TTC29: variants seen among roughly 807,000 people sequenced by gnomAD.
TTC29 encodes tetratricopeptide repeat domain 29.
In TTC29, 49 loss-of-function variants were observed where a neutral mutation model predicts 58.1. The observed-to-expected ratio is 0.84, with a 90% CI of 0.67 to 1.07. The LOEUF is 1.07. TTC29 is among the 50% of genes least tolerant of loss of function. The probability of loss-of-function intolerance (pLI) is 0.00; values close to 1 mark genes in which losing one functional copy is unlikely to be tolerated. For synonymous variants in TTC29, 209 were observed against 196.8 expected, an observed-to-expected ratio of 1.06 and a Z score of -0.52; for missense variants, 582 against 555.6, an observed-to-expected ratio of 1.05 and a Z score of -0.48.
intron 4 of TTC29, among the ~76,000 whole-genome samples, chr4:146,927,244 G>T (rs1214017982): frequency 6.6e-6 from 1 of 151,974 alleles, no homozygotes; most frequent in Non-Finnish European, 1.5e-5. Flanking sequence ...TAGGAAACAG[G>T]TCCTATTATC....
chr4:146,927,742 A>G (rs1735034925), intron 4 of TTC29, among the ~76,000 whole-genome samples: 1 of 152,212 alleles, frequency 6.6e-6, no homozygotes, highest in Non-Finnish European at 1.5e-5. Flanking sequence ...GGCCTCACAA[A>G]GCAGGAAACT....
intron 2 of TTC29, chr4:146,942,898 A>G (rs1736542491): frequency 3.1e-6 from 1 of 323,838 alleles, no homozygotes; most frequent in African/African-American, 2.1e-5. Flanking sequence ...AGTGCTTGCA[A>G]TTTCCTTGAA....
chr4:146,883,051 A>G (rs1731740553), intron 6 of TTC29, among the ~76,000 whole-genome samples: 1 of 152,094 alleles, frequency 6.6e-6, no homozygotes, highest in Admixed American at 6.6e-5. Flanking sequence ...ACTGAGCCTC[A>G]GGAATTCTCT....
At chr4:146,902,213 C>A (rs78181888) in intron 6 of TTC29, among the ~76,000 whole-genome samples, 12,463 of 152,122 alleles carry the variant, frequency 0.082, 659 homozygotes, top group East Asian at 0.19. Flanking sequence ...TGATATCACA[C>A]TCCTTTCCTT....
chr4:146,707,382 T>C (rs1217032612), intron 12 of TTC29, 103 bp downstream of exon 12: 2 of 867,972 alleles, frequency 2.3e-6, no homozygotes, highest in South Asian at 1.7e-5. Context: ...GGTTATCAAG[T>C]GCTGGATGAA....
At chr4:146,888,170 C>G (rs1732117439) in intron 6 of TTC29, among the ~76,000 whole-genome samples, 1 of 151,968 alleles carries the variant, frequency 6.6e-6, no homozygotes, top group African/African-American at 2.4e-5. Flanking sequence ...ACACAAGTCC[C>G]AAAAAAGAAT....
At chr4:146,739,420 T>C (rs1220168152) in intron 11 of TTC29, among the ~76,000 whole-genome samples, 3 of 152,216 alleles carry the variant, frequency 2.0e-5, no homozygotes, top group Admixed American at 2.0e-4. Context: ...CTCTTTTCTG[T>C]AGTCCATATT....
intron 11 of TTC29, among the ~76,000 whole-genome samples, chr4:146,791,427 T>C (rs1304372113): frequency 6.6e-6 from 1 of 152,200 alleles, no homozygotes; most frequent in Non-Finnish European, 1.5e-5. Flanking sequence ...ATTGTAATTG[T>C]TTTGGGATGC....
At position 146,803,550 on chromosome 4, in the gene TTC29, T is replaced by C. The variant is rs1353117259; in HGVS notation, c.1237A>G (p.Asn413Asp). The C allele has an allele frequency of 1.9e-6, 3 of 1,604,696 alleles. No individual in the cohort carries two copies. Among genetic ancestry groups the C allele is most frequent in the African/African-American group, 1.3e-5 (1 of 74,870 alleles). ...AKAHQMMLTV[N>D]NYIESADLTS... is the part of the protein sequence containing the mutation. Reference sequence around the variant, plus strand: ...AGATCTGCAGACTCTATATAGTTGTTCACTGTAAGCATCATCTGATGAGCT... The same window carrying C: ...AGATCTGCAGACTCTATATAGTTGTCCACTGTAAGCATCATCTGATGAGCT... Residue 413 changes from asparagine to aspartate, a missense_variant, in exon 11 of 13, where the codon AAC becomes GAC. Coordinates refer to ENST00000325106, the MANE Select transcript of TTC29 (RefSeq NM_031956.4).
At chr4:146,908,602 A>T (rs1049112932) in intron 5 of TTC29, among the ~76,000 whole-genome samples, 1 of 152,140 alleles carries the variant, frequency 6.6e-6, no homozygotes, top group African/African-American at 2.4e-5. Context: ...TCTTGACCCA[A>T]ACTTCAAAGT....
At chr4:146,744,719 G>A (rs1201905301) in intron 11 of TTC29, among the ~76,000 whole-genome samples, 1 of 152,106 alleles carries the variant, frequency 6.6e-6, no homozygotes, top group African/African-American at 2.4e-5. Flanking sequence ...AAAGTATGTT[G>A]TCAGCTGCTT....
chr4:146,781,315 A>G (rs1748583367), intron 11 of TTC29, among the ~76,000 whole-genome samples: 1 of 151,952 alleles, frequency 6.6e-6, no homozygotes, highest in African/African-American at 2.4e-5. Flanking sequence ...TTTAGATTGC[A>G]TCATATTGAA....
chr4:146,734,470 AT>A (rs1201599447), intron 11 of TTC29, among the ~76,000 whole-genome samples: 5 of 152,288 alleles, frequency 3.3e-5, no homozygotes, highest in African/African-American at 9.6e-5. Flanking sequence ...ACTCCAACAA[AT>A]TAACTAAACC....
intron 5 of TTC29, among the ~76,000 whole-genome samples, chr4:146,908,751 T>G (rs1733692611): frequency 6.6e-6 from 1 of 152,212 alleles, no homozygotes; most frequent in South Asian, 2.1e-4. Context: ...ATAGGAACTA[T>G]GTTAATTCAT....
At chr4:146,743,143 G>A (rs998936959) in intron 11 of TTC29, among the ~76,000 whole-genome samples, 8 of 151,954 alleles carry the variant, frequency 5.3e-5, no homozygotes, top group South Asian at 2.1e-4. Context: ...AAACATTCTC[G>A]GTGACACACT....
chr4:146,922,703 T>C (rs1734676110), intron 4 of TTC29, among the ~76,000 whole-genome samples: 1 of 151,784 alleles, frequency 6.6e-6, no homozygotes, highest in South Asian at 2.1e-4. Context: ...GTGATGGAGC[T>C]GGTTCATCAA....
chr4:146,892,835 G>A (rs1429952434), intron 6 of TTC29, among the ~76,000 whole-genome samples: 1 of 152,186 alleles, frequency 6.6e-6, no homozygotes. Context: ...CTTCAGCAAA[G>A]TCTCAGGATA....
chr4:146,758,450 A>C (rs558304444), intron 11 of TTC29, among the ~76,000 whole-genome samples: 2 of 152,296 alleles, frequency 1.3e-5, no homozygotes, highest in South Asian at 2.1e-4. Flanking sequence ...AAATTTAACA[A>C]AGAAGCAATG....
At chr4:146,817,487 T>A (rs1053409524) in intron 10 of TTC29, among the ~76,000 whole-genome samples, 1 of 152,054 alleles carries the variant, frequency 6.6e-6, no homozygotes, top group South Asian at 2.1e-4. Context: ...GAATCAATAT[T>A]GTGAAAATGG....
Sources: gnomAD v4.1 joint callset for allele counts (sites outside exome capture counted in the v4.1 genomes callset) on GRCh38, gnomAD v4.1.1 for gene constraint, MANE v1.5 for transcripts, NCBI Gene and HGNC (gene_info 2026-07-23, HGNC 2026-07-21) for gene names.